The following ALG6 variants were observed in gnomAD, a reference collection of about 807,000 sequenced individuals.
ALG6 encodes dolichyl pyrophosphate Man9GlcNAc2 alpha-1,3-glucosyltransferase.
In ALG6, 46 loss-of-function variants were observed where a neutral mutation model predicts 66.6. The observed-to-expected ratio is 0.69, with a 90% confidence interval of 0.55 to 0.88. The LOEUF (loss-of-function observed/expected upper bound fraction) is 0.88. Ranked by LOEUF, ALG6 falls within the 40% of genes least tolerant of loss-of-function variation. The probability of loss-of-function intolerance (pLI) is 0.00; values close to 1 mark genes in which losing one functional copy is unlikely to be tolerated. For synonymous variants in ALG6, 185 were observed against 203.7 expected, an observed-to-expected ratio of 0.91 and a Z score of 0.78; for missense variants, 505 against 586.8, an observed-to-expected ratio of 0.86 and a Z score of 1.44.
chr1:63,368,106 G>A (rs1647788214), intron 1 of ALG6, among the ~76,000 whole-genome samples: 1 of 152,178 alleles, frequency 6.6e-6, no homozygotes, highest in Non-Finnish European at 1.5e-5. Flanking sequence ...GGCGGGCTTG[G>A]CATTTGTCGA....
At chr1:63,421,161 C>T (rs72676149) in intron 12 of ALG6, among the ~76,000 whole-genome samples, 6,511 of 151,628 alleles carry the variant, frequency 0.043, 181 homozygotes, top group South Asian at 0.093. Context: ...ATGCAGGTAG[C>T]GGTTGCAATT....
chr1:63,404,522 G>A lies in ALG6; in HGVS notation c.327G>A (p.Lys109=), dbSNP rs1389168920. Residue 109 remains lysine, a synonymous_variant, in exon 5 of 15, where the codon AAG becomes AAA. Coordinates refer to ENST00000263440, the MANE Select transcript of ALG6 (RefSeq NM_013339.4). ...GTGGATATGAGAGTCAGGCACATAA[G>A]CTCTTCATGCGTACAACAGGTAAAA... ...TSRGYESQAH[K]LFMRTTVLIA... is the part of the protein sequence containing the mutation. The A allele has an allele frequency of 1.2e-6, 2 of 1,613,642 alleles. No homozygotes were observed. Among genetic ancestry groups the A allele is most frequent in the Non-Finnish European group, 1.7e-6 (2 of 1,179,664 alleles).
chr1:63,437,251 A>T lies in ALG6; in HGVS notation c.*231A>T. 1 of 463,678 alleles carries T rather than the reference A, an allele frequency of 2.2e-6. No homozygotes were observed. Among genetic ancestry groups the T allele is most frequent in the South Asian group, 2.2e-5 (1 of 45,640 alleles). The allele number at this position is 463,678 out of a possible 1,614,324, so 28.7% of individuals were successfully genotyped here. A position where few individuals can be genotyped will look rare whatever the true frequency, so the allele number is the denominator to read the frequency against. On this transcript the variant is annotated 3_prime_UTR_variant, in exon 15 of 15. Coordinates refer to ENST00000263440, the MANE Select transcript of ALG6 (RefSeq NM_013339.4). ...CTGCTTGGCCAAAACATGTGGTTTT[A>T]TTATTCACAGCTATTCAAGTGGGGA...
chr1:63,406,214 C>T, intron 5 of ALG6, 103 bp from the exon 6 acceptor site: 2 of 1,038,480 alleles, frequency 1.9e-6, no homozygotes, highest in Non-Finnish European at 3.0e-6. Context: ...AGGGCAAGAA[C>T]CTTGTGTTAA....
At chr1:63,408,478 T>C (rs1644500727) in intron 7 of ALG6, among the ~76,000 whole-genome samples, 1 of 152,234 alleles carries the variant, frequency 6.6e-6, no homozygotes, top group Admixed American at 6.5e-5. Flanking sequence ...CGAATAATGC[T>C]GCCATGAACA....
chr1:63,375,055 A>C (rs897421738), intron 2 of ALG6, among the ~76,000 whole-genome samples: 2 of 151,988 alleles, frequency 1.3e-5, no homozygotes, highest in Non-Finnish European at 2.9e-5. Flanking sequence ...AAAAAGAAAA[A>C]TTAGGCATGA....
chr1:63,430,612 T>A (rs1006964108), intron 14 of ALG6, among the ~76,000 whole-genome samples: 6 of 152,230 alleles, frequency 3.9e-5, no homozygotes, highest in Non-Finnish European at 7.3e-5. Flanking sequence ...TGGTATTTCA[T>A]TGGAGTGCTG....
chr1:63,381,124 A>G (rs1648285539), intron 2 of ALG6, among the ~76,000 whole-genome samples: 1 of 152,044 alleles, frequency 6.6e-6, no homozygotes, highest in African/African-American at 2.4e-5. Context: ...GTTTGAGTCC[A>G]GCCTGGGCAA....
chr1:63,428,306 C>T (rs1644627586), intron 12 of ALG6: 1 of 156,070 alleles, frequency 6.4e-6, no homozygotes, highest in African/African-American at 2.4e-5. Flanking sequence ...TCTGCCATAT[C>T]TTTAGTTTTA....
intron 3 of ALG6, among the ~76,000 whole-genome samples, 169 bp downstream of exon 3, chr1:63,396,766 A>G (rs1648836390): frequency 1.3e-5 from 2 of 152,182 alleles, no homozygotes; most frequent in African/African-American, 2.4e-5. Flanking sequence ...TTGAAATTTG[A>G]TAGTCCTGAA....
At chr1:63,411,787 C>G (rs1644517689) in intron 8 of ALG6, 139 bp from the exon 9 acceptor site, 2 of 1,183,194 alleles carry the variant, frequency 1.7e-6, no homozygotes, top group African/African-American at 1.5e-5. Flanking sequence ...TGAGCACACT[C>G]CCATCTTAAG....
At chr1:63,399,714 T>A (rs115777763) in intron 3 of ALG6, among the ~76,000 whole-genome samples, 2,396 of 152,278 alleles carry the variant, frequency 0.016, 65 homozygotes, top group African/African-American at 0.055. Context: ...AATATGACTC[T>A]GTGGGTTGTC....
chr1:63,431,365 T>C (rs1301082735), intron 14 of ALG6, among the ~76,000 whole-genome samples: 1 of 152,256 alleles, frequency 6.6e-6, no homozygotes, highest in African/African-American at 2.4e-5. Context: ...CTCCCAAAAC[T>C]CAGCTGAGAT....
intron 12 of ALG6, among the ~76,000 whole-genome samples, chr1:63,420,994 GA>G (rs1031859905): frequency 4.6e-5 from 7 of 151,674 alleles, no homozygotes; most frequent in Non-Finnish European, 1.0e-4. Context: ...GTGCACATGG[GA>G]TATATTCCAG....
chr1:63,429,816 A>T (rs1205048058), intron 14 of ALG6: 5 of 151,460 alleles, frequency 3.3e-5, no homozygotes, highest in Admixed American at 3.3e-4. Context: ...TGGGATAATA[A>T]AATTGTGGTC....
intron 2 of ALG6, among the ~76,000 whole-genome samples, chr1:63,375,802 G>C (rs1320601531): frequency 6.6e-6 from 1 of 151,822 alleles, no homozygotes. Flanking sequence ...GACCATTTAG[G>C]CTCTCTCTTT....
intron 2 of ALG6, among the ~76,000 whole-genome samples, chr1:63,379,425 C>T (rs576228192): frequency 1.3e-5 from 2 of 152,218 alleles, no homozygotes; most frequent in Non-Finnish European, 2.9e-5. Flanking sequence ...GAGCCAAGGC[C>T]GAGATGAGTA....
intron 7 of ALG6, 46 bp downstream of exon 7, chr1:63,407,172 A>G (rs1644493211): frequency 7.3e-7 from 1 of 1,376,548 alleles, no homozygotes; most frequent in African/African-American, 1.4e-5. Context: ...ATATTGTGAA[A>G]TCTAGACTCA....
chr1:63,400,194 CAA>C (rs71577211), intron 3 of ALG6, among the ~76,000 whole-genome samples: 1 of 19,518 alleles, frequency 5.1e-5, no homozygotes, highest in African/African-American at 3.7e-4. Context: ...AACTCTGTCT[CAA>C]AAAAAAAAAA....
Sources: gnomAD v4.1 joint callset for allele counts (sites outside exome capture counted in the v4.1 genomes callset) on GRCh38, gnomAD v4.1.1 for gene constraint, MANE v1.5 for transcripts, NCBI Gene and HGNC (gene_info 2026-07-23, HGNC 2026-07-21) for gene names.